Variants in CADM1 observed in about 807,000 individuals in gnomAD.
CADM1 encodes the protein cell adhesion molecule 1, also known as TSLC-1.
Under a neutral mutation model 53.1 loss-of-function variants are expected in CADM1, and 15 were observed. That is an observed-to-expected ratio of 0.28 (90% confidence interval 0.19 to 0.44). The LOEUF is 0.44. Among genes scored for constraint, CADM1 ranks in the 20% least tolerant of loss-of-function variants. CADM1 has a pLI of 1.00. For missense variants in CADM1, 434 were observed against 611.3 expected, an observed-to-expected ratio of 0.71 and a Z score of 3.06; for synonymous variants, 281 against 243.0, an observed-to-expected ratio of 1.16 and a Z score of -1.45.
chr11:115,175,896 A>G lies in CADM1; in HGVS notation c.*578T>C. 1.0e-6 allele frequency: 1 copy of G among 995,664 alleles called. No homozygotes were observed. Among genetic ancestry groups the G allele is most frequent in the Non-Finnish European group, 1.2e-6 (1 of 835,818 alleles). 61.7% of individuals were successfully genotyped at this position (995,664 alleles called of 1,614,324 possible). On this transcript the variant is annotated 3_prime_UTR_variant, in exon 12 of 12. Coordinates refer to ENST00000331581, the MANE Select transcript of CADM1 (RefSeq NM_001301043.2). ...TTCACCCAAATCTTTACGACAACAGAGAAGAATGCATTATGGATACACTAA... is the reference window on the plus strand; with the variant it reads ...TTCACCCAAATCTTTACGACAACAGGGAAGAATGCATTATGGATACACTAA...
rs138952477 is a variant in CADM1 at position 115,173,533 on chromosome 11, G to A, written c.*2941C>T. The A allele has an allele frequency of 3.3e-3, 534 of 160,952 alleles. 6 individuals carry two copies. Among genetic ancestry groups the A allele is most frequent in the African/African-American group, 0.012 (501 of 41,720 alleles). The allele number at this position is 160,952 out of a possible 1,614,324, so 10.0% of individuals were successfully genotyped here. ...ATCTACTGCCAGCGTTCCTGGCCCC[G>A]TACATGGTCCTAAGGAGGAAGCTGG... On this transcript the variant is annotated 3_prime_UTR_variant, in exon 12 of 12. Coordinates refer to ENST00000331581, the MANE Select transcript of CADM1 (RefSeq NM_001301043.2).
chr11:115,269,130 C>T (rs150890026), intron 1 of CADM1, among the ~76,000 whole-genome samples: 202 of 152,222 alleles, frequency 1.3e-3, no homozygotes, highest in African/African-American at 4.3e-3. Context: ...GCAACTTCAG[C>T]GCTCCAATCT....
intron 1 of CADM1, among the ~76,000 whole-genome samples, chr11:115,308,783 C>T (rs181059825): frequency 2.2e-3 from 331 of 149,002 alleles, no homozygotes; most frequent in Middle Eastern, 6.8e-3. Flanking sequence ...TCCCTCCCTC[C>T]CTTCATCCTT....
chr11:115,409,835 C>T (rs2135242230), intron 1 of CADM1, among the ~76,000 whole-genome samples: 1 of 152,246 alleles, frequency 6.6e-6, no homozygotes, highest in Non-Finnish European at 1.5e-5. Context: ...ACAGTTGCAG[C>T]TGTAGTAGCT....
At chr11:115,407,432 C>G (rs1947343694) in intron 1 of CADM1, among the ~76,000 whole-genome samples, 1 of 152,148 alleles carries the variant, frequency 6.6e-6, no homozygotes. Flanking sequence ...TGTGGGCCAG[C>G]AGCATCTTGG....
chr11:115,485,336 G>T (rs971511831), intron 1 of CADM1, among the ~76,000 whole-genome samples: 1 of 152,164 alleles, frequency 6.6e-6, no homozygotes, highest in Non-Finnish European at 1.5e-5. Context: ...CCTGTCTTCA[G>T]CACCTAATAC....
At chr11:115,406,060 C>G (rs1265043453) in intron 1 of CADM1, among the ~76,000 whole-genome samples, 2 of 152,092 alleles carry the variant, frequency 1.3e-5, no homozygotes, top group Admixed American at 6.5e-5. Context: ...AATGATTCTT[C>G]AATTAGCTTT....
chr11:115,170,401 C>A lies in CADM1; in HGVS notation c.*6073G>T, dbSNP rs1052235083. 1.3e-5 allele frequency: 2 copies of A among 152,104 alleles called. No homozygotes were observed. Among genetic ancestry groups the A allele is most frequent in the African/African-American group, 4.8e-5 (2 of 41,396 alleles). 9.4% of individuals were successfully genotyped at this position (152,104 alleles called of 1,614,324 possible). ...GCAAGGCTCGAGTTGTATTTCCCAG[C>A]ACTGACCACCAGGGGCAGTAGACAT... On this transcript the variant is annotated 3_prime_UTR_variant, in exon 12 of 12. Transcript: ENST00000331581.
chr11:115,409,790 G>A (rs1233144203), intron 1 of CADM1, among the ~76,000 whole-genome samples: 3 of 152,060 alleles, frequency 2.0e-5, no homozygotes, highest in Non-Finnish European at 1.5e-5. Flanking sequence ...CATTAGGGCA[G>A]GGATAAATTT....
chr11:115,233,738 G>A (rs1941909946), intron 3 of CADM1, among the ~76,000 whole-genome samples: 1 of 152,088 alleles, frequency 6.6e-6, no homozygotes, highest in South Asian at 2.1e-4. Flanking sequence ...TACCTTTCAA[G>A]GTCCAGGAAA....
chr11:115,368,111 T>A (rs12786895), intron 1 of CADM1, among the ~76,000 whole-genome samples: 4 of 18,402 alleles, frequency 2.2e-4, no homozygotes, highest in African/African-American at 5.7e-4. Context: ...CACTAGAGTC[T>A]TTTTTTTTTT....
At chr11:115,327,636 A>G (rs1944994509) in intron 1 of CADM1, among the ~76,000 whole-genome samples, 1 of 152,108 alleles carries the variant, frequency 6.6e-6, no homozygotes, top group Non-Finnish European at 1.5e-5. Flanking sequence ...ACCCAACTTC[A>G]TGACTAGAAG....
chr11:115,192,951 A>G (rs767657007), intron 9 of CADM1, among the ~76,000 whole-genome samples: 5 of 152,220 alleles, frequency 3.3e-5, no homozygotes, highest in Non-Finnish European at 7.3e-5. Context: ...TACTGGCATT[A>G]AATTTGTTTT....
At chr11:115,432,240 C>T (rs1027719415) in intron 1 of CADM1, among the ~76,000 whole-genome samples, 5 of 152,136 alleles carry the variant, frequency 3.3e-5, no homozygotes, top group Admixed American at 1.3e-4. Context: ...CCACCACACC[C>T]GGCCCTAAAT....
chr11:115,197,016 C>A (rs1483137652), intron 9 of CADM1, among the ~76,000 whole-genome samples: 1 of 152,176 alleles, frequency 6.6e-6, no homozygotes, highest in Non-Finnish European at 1.5e-5. Context: ...GCACACCTAG[C>A]CCCTTTAAGT....
At chr11:115,419,650 A>G (rs532545428) in intron 1 of CADM1, among the ~76,000 whole-genome samples, 63 of 152,178 alleles carry the variant, frequency 4.1e-4, no homozygotes, top group Non-Finnish European at 7.8e-4. Flanking sequence ...TGAATTCTCT[A>G]AAGTATTAAG....
chr11:115,178,089 G>C (rs1386551886), intron 11 of CADM1, among the ~76,000 whole-genome samples: 2 of 152,196 alleles, frequency 1.3e-5, no homozygotes, highest in African/African-American at 2.4e-5. Context: ...ATGATTAATG[G>C]CAATTTAAAT....
In CADM1 at chr11:115,328,134, C is replaced by T. The variant is rs549709097; in HGVS notation, c.125-87714G>A. ...CTGCTTAATCACTTCTGTTGACCTC[C>T]GATTTTTTTTTTATATCAGATTGGC... On this transcript the variant is annotated intron_variant, in intron 1 of 11. Transcript: ENST00000331581. 1.6e-4 allele frequency among the ~76,000 whole-genome samples: 24 copies of T among 152,060 alleles called. No individual in the cohort carries two copies. The South Asian group carries it at 4.0e-3, about 25-fold the overall frequency.
At chr11:115,250,146 G>GC (rs1330486564) in intron 1 of CADM1, among the ~76,000 whole-genome samples, 12 of 152,096 alleles carry the variant, frequency 7.9e-5, no homozygotes, top group African/African-American at 2.9e-4. Context: ...CTCGTGATCT[G>GC]CCTGCCTCAG....
Sources: gnomAD v4.1 joint callset for allele counts (sites outside exome capture counted in the v4.1 genomes callset) on GRCh38, gnomAD v4.1.1 for gene constraint, MANE v1.5 for transcripts, NCBI Gene and HGNC (gene_info 2026-07-23, HGNC 2026-07-21) for gene names.